PDE5A: variants seen among roughly 807,000 people sequenced by gnomAD.
PDE5A encodes the protein cGMP-specific 3',5'-cyclic phosphodiesterase.
A neutral mutation model predicts 110.2 loss-of-function variants in PDE5A; 67 were observed. The ratio of observed to expected loss-of-function variants is 0.61; its 90% CI spans 0.50 to 0.75. The LOEUF (loss-of-function observed/expected upper bound fraction) is 0.75, where lower values mean the gene tolerates loss of function less well. PDE5A is among the 30% of genes least tolerant of loss of function. The pLI, the probability that PDE5A is intolerant of heterozygous loss-of-function variation, is 0.00. For synonymous variants in PDE5A, 328 were observed against 351.2 expected (o/e 0.93, Z 0.74); for missense variants, 862 against 1,045.1 (o/e 0.82, Z 2.42).
intron 10 of PDE5A, 30 bp downstream of exon 10, chr4:119,542,429 C>T (rs777201392): frequency 1.2e-6 from 2 of 1,602,122 alleles, no homozygotes; most frequent in Admixed American, 1.7e-5. Flanking sequence ...TTTGGCTGTA[C>T]AGTGTGAGAG....
intron 17 of PDE5A, 120 bp from the exon 18 acceptor site, chr4:119,504,719 T>C: frequency 3.3e-6 from 2 of 612,766 alleles, no homozygotes. Flanking sequence ...TGGCAGTTTA[T>C]AAAGACCAAA....
intron 3 of PDE5A, among the ~76,000 whole-genome samples, chr4:119,570,000 A>G (rs1728087057): frequency 6.6e-6 from 1 of 152,220 alleles, no homozygotes; most frequent in South Asian, 2.1e-4. Flanking sequence ...AGACAACTGT[A>G]TATCTAACAT....
chr4:119,590,505 T>G (rs572589543), intron 3 of PDE5A, among the ~76,000 whole-genome samples: 41 of 152,304 alleles, frequency 2.7e-4, no homozygotes, highest in Admixed American at 5.9e-4. Flanking sequence ...TTTTTCCACT[T>G]TGCCCATTAA....
intron 2 of PDE5A, among the ~76,000 whole-genome samples, chr4:119,599,744 C>CACACAT (rs1182906669): frequency 6.7e-6 from 1 of 149,868 alleles, no homozygotes; most frequent in South Asian, 2.1e-4. Context: ...CACACACACA[C>CACACAT]ACACATACAT....
rs1578715252 is a variant in PDE5A at position 119,498,520 on chromosome 4, A to G, written c.*81T>C. On this transcript the variant is annotated 3_prime_UTR_variant, in exon 21 of 21. Coordinates refer to ENST00000354960, the MANE Select transcript of PDE5A (RefSeq NM_001083.4). Reference sequence around the variant, plus strand: ...AAAGTATATACCAAATACAGACACTATACAGACAGTGTGTAAGAAACTAGG... The same window carrying G: ...AAAGTATATACCAAATACAGACACTGTACAGACAGTGTGTAAGAAACTAGG... The G allele has an allele frequency of 3.4e-6, 5 of 1,483,000 alleles. No homozygotes were observed. Among genetic ancestry groups the G allele is most frequent in the Middle Eastern group, 1.7e-4 (1 of 5,760 alleles). The allele number at this position is 1,483,000 out of a possible 1,614,324, so 91.9% of individuals were successfully genotyped here.
At chr4:119,608,165 G>A (rs1159015100) in intron 1 of PDE5A, among the ~76,000 whole-genome samples, 1 of 152,122 alleles carries the variant, frequency 6.6e-6, no homozygotes, top group Admixed American at 6.5e-5. Context: ...TCCCAATAAT[G>A]TTTGTTTAAT....
At chr4:119,549,153 A>G (rs1727249070) in intron 9 of PDE5A, 1 of 152,228 alleles carries the variant, frequency 6.6e-6, no homozygotes, top group Admixed American at 6.5e-5. Context: ...ACAGAGTAAG[A>G]TAAGATGACG....
intron 3 of PDE5A, among the ~76,000 whole-genome samples, chr4:119,573,416 A>G (rs1728209909): frequency 6.6e-6 from 1 of 152,076 alleles, no homozygotes; most frequent in African/African-American, 2.4e-5. Flanking sequence ...TTTAATTTGT[A>G]TTTTCCTGAT....
chr4:119,501,093 ATAT>A, intron 20 of PDE5A, 74 bp downstream of exon 20: 1 of 859,372 alleles, frequency 1.2e-6, no homozygotes, highest in Non-Finnish European at 1.9e-6. Context: ...TAGGCGCCTA[ATAT>A]TAATCTCTTC....
At chr4:119,569,423 C>A (rs1393403036) in intron 3 of PDE5A, among the ~76,000 whole-genome samples, 1 of 151,038 alleles carries the variant, frequency 6.6e-6, no homozygotes, top group Non-Finnish European at 1.5e-5. Flanking sequence ...CCAGAAATAC[C>A]CTCATTTGAT....
chr4:119,515,859 C>T (rs1172364534), intron 14 of PDE5A, among the ~76,000 whole-genome samples: 1 of 152,188 alleles, frequency 6.6e-6, no homozygotes, highest in African/African-American at 2.4e-5. Context: ...TTGTAGCTTA[C>T]ATTCAGACTT....
intron 14 of PDE5A, among the ~76,000 whole-genome samples, chr4:119,515,685 C>T (rs1481129234): frequency 3.9e-5 from 6 of 152,008 alleles, no homozygotes; most frequent in Non-Finnish European, 5.9e-5. Context: ...TATCTCCTTC[C>T]TTCATGCTTA....
chr4:119,496,647 A>G lies in PDE5A; in HGVS notation c.*1954T>C, dbSNP rs1362630105. The G allele has an allele frequency of 1.3e-5, 2 of 152,590 alleles. No individual in the cohort carries two copies. Among genetic ancestry groups the G allele is most frequent in the African/African-American group, 4.8e-5 (2 of 41,450 alleles). The allele number at this position is 152,590 out of a possible 1,614,324, so 9.5% of individuals were successfully genotyped here. ...ATAACTGCTAAATCACAATGTAATA[A>G]AAAGGTTTATTAAAGATTGCTATTC... On this transcript the variant is annotated 3_prime_UTR_variant, in exon 21 of 21. Coordinates refer to ENST00000354960, the MANE Select transcript of PDE5A (RefSeq NM_001083.4).
chr4:119,552,767 A>T (rs1312040086), intron 8 of PDE5A, 130 bp from the exon 9 acceptor site: 1 of 459,034 alleles, frequency 2.2e-6, no homozygotes. Context: ...AGAGCATTGG[A>T]AAGCAGAAAA....
In PDE5A at chr4:119,565,326, T is replaced by C. The variant is rs763170017; in HGVS notation, c.988A>G (p.Asn330Asp). 1.3e-5 allele frequency: 21 copies of C among 1,605,314 alleles called. No individual in the cohort carries two copies. In the South Asian group the frequency reaches 2.3e-4, roughly 18 times the overall value. The change falls in exon 5 of 21, where the codon AAT (asparagine) becomes GAT (aspartate). Residue 330 changes from asparagine (N) to aspartate (D), a missense_variant. By Grantham distance (23) the Asn-to-Asp change is conservative (BLOSUM62 1). Transcript: ENST00000354960. ...YETSLLENKRNQVLLDLASLI... is the reference protein window; with the variant it reads ...YETSLLENKRDQVLLDLASLI... ...TCTTTAGTAATCAGACTGACCTGAT[T>C]TCTCTTGTTCTCCAGCAGTGAAGTC...
intron 13 of PDE5A, among the ~76,000 whole-genome samples, chr4:119,520,235 T>C (rs983644155): frequency 1.3e-5 from 2 of 152,078 alleles, no homozygotes; most frequent in African/African-American, 2.4e-5. Flanking sequence ...TAAGAATTTA[T>C]TTACAAAAAG....
chr4:119,583,902 T>A (rs1420131709), intron 3 of PDE5A, among the ~76,000 whole-genome samples: 1 of 152,210 alleles, frequency 6.6e-6, no homozygotes, highest in African/African-American at 2.4e-5. Flanking sequence ...GTTCTGCTTT[T>A]GTTTTCAAAA....
At chr4:119,507,149 C>T (rs554110308) in intron 16 of PDE5A, among the ~76,000 whole-genome samples, 1 of 151,882 alleles carries the variant, frequency 6.6e-6, no homozygotes, top group African/African-American at 2.4e-5. Flanking sequence ...CATAAATATT[C>T]TTCTCCTGCC....
intron 3 of PDE5A, among the ~76,000 whole-genome samples, chr4:119,592,693 G>C (rs1367303448): frequency 6.6e-6 from 1 of 152,044 alleles, no homozygotes; most frequent in Non-Finnish European, 1.5e-5. Flanking sequence ...CACTCAAAAA[G>C]TTTCACATTT....
Sources: allele counts gnomAD v4.1 joint callset (sites outside exome capture counted in the v4.1 genomes callset), GRCh38; gene constraint gnomAD v4.1.1; transcripts MANE v1.5; gene names NCBI Gene and HGNC (gene_info 2026-07-23, HGNC 2026-07-21).